MUC13: variants seen among roughly 807,000 people sequenced by gnomAD.
The protein encoded by MUC13 is mucin 13, cell surface associated.
In MUC13, 32 loss-of-function variants were observed where a neutral mutation model predicts 48.3. The ratio of observed to expected loss-of-function variants is 0.66; its 90% CI spans 0.50 to 0.89. MUC13 has a LOEUF of 0.89. MUC13 is among the 40% of genes least tolerant of loss of function. The pLI is 0.00. For missense variants in MUC13, 571 were observed against 622.8 expected, an observed-to-expected ratio of 0.92 and a Z score of 0.88; for synonymous variants, 199 against 224.9, an observed-to-expected ratio of 0.88 and a Z score of 1.03.
At chr3:124,913,345 A>C in intron 7 of MUC13, 105 bp from the exon 8 acceptor site, 1 of 1,506,502 alleles carries the variant, frequency 6.6e-7, no homozygotes, top group Non-Finnish European at 9.0e-7. Flanking sequence ...TTTTCTAGGT[A>C]AAATGAGATG....
At chr3:124,910,549 C>T (rs762214122) in intron 9 of MUC13, 50 bp from the exon 10 acceptor site, 1 of 1,608,722 alleles carries the variant, frequency 6.2e-7, no homozygotes, top group South Asian at 1.1e-5. Flanking sequence ...TGGCCCCCAA[C>T]TGTCTACTGC....
chr3:124,923,169 C>A (rs1362782104), intron 3 of MUC13, among the ~76,000 whole-genome samples: 2 of 150,514 alleles, frequency 1.3e-5, no homozygotes, highest in Non-Finnish European at 3.0e-5. Flanking sequence ...GTGATCTAAT[C>A]AAAACATCAT....
chr3:124,923,112 A>AC (rs1553771871), intron 3 of MUC13, among the ~76,000 whole-genome samples: 7 of 151,562 alleles, frequency 4.6e-5, no homozygotes, highest in Non-Finnish European at 1.0e-4. Context: ...GAAAAAAAAA[A>AC]AAAACAGAAC....
Position 124,908,150 on chromosome 3 carries a change from A to G in MUC13, c.1536T>C (p.Tyr512=), listed in dbSNP as rs376952026. 21 of 1,613,970 alleles carry G rather than the reference A, an allele frequency of 1.3e-5. No homozygotes were observed. Among genetic ancestry groups the G allele is most frequent in the Non-Finnish European group, 1.7e-5 (20 of 1,179,988 alleles). The change falls in exon 11 of 12, where the codon TAT becomes TAC. Residue 512 remains tyrosine, a synonymous_variant. Coordinates refer to ENST00000616727, the MANE Select transcript of MUC13 (RefSeq NM_033049.4). ...GAGAAAAAGCCCACTGACTCACCTA[A>G]TAGTCAGGGCGGGGCATGCTGCTGT... ...SRHSSMPRPD[Y] is the part of the protein sequence containing the mutation.
chr3:124,925,053 T>C (rs1289026989), intron 2 of MUC13, among the ~76,000 whole-genome samples: 1 of 152,218 alleles, frequency 6.6e-6, no homozygotes, highest in East Asian at 1.9e-4. Context: ...GCTTTGTTCA[T>C]GAGTGCCACT....
chr3:124,930,185 T>C (rs1579372594), intron 1 of MUC13, among the ~76,000 whole-genome samples: 1 of 152,360 alleles, frequency 6.6e-6, no homozygotes, highest in East Asian at 1.9e-4. Context: ...TGAGAGGTTT[T>C]TGCAGGTCTT....
At chr3:124,908,901 C>A (rs1935369184) in intron 10 of MUC13, among the ~76,000 whole-genome samples, 1 of 152,206 alleles carries the variant, frequency 6.6e-6, no homozygotes, top group Non-Finnish European at 1.5e-5. Context: ...CCTCTGTAAT[C>A]CCAGCACTCT....
chr3:124,929,068 C>G (rs566280779), intron 1 of MUC13, among the ~76,000 whole-genome samples: 14 of 152,208 alleles, frequency 9.2e-5, no homozygotes, highest in African/African-American at 3.4e-4. Context: ...GCCCTCTGAG[C>G]TATGATGGAT....
intron 1 of MUC13, 69 bp from the exon 2 acceptor site, chr3:124,928,062 T>A: frequency 2.9e-6 from 3 of 1,041,884 alleles, no homozygotes; most frequent in Non-Finnish European, 4.1e-6. Flanking sequence ...TACTTAATAC[T>A]AAATCATATC....
At chr3:124,921,432 T>C (rs1226500332) in intron 4 of MUC13, among the ~76,000 whole-genome samples, 1 of 152,194 alleles carries the variant, frequency 6.6e-6, no homozygotes, top group African/African-American at 2.4e-5. Context: ...ATTACGGACA[T>C]GAGCCACCAT....
At chr3:124,916,650 A>G (rs1031286845) in intron 5 of MUC13, among the ~76,000 whole-genome samples, 170 bp from the exon 6 acceptor site, 5 of 152,200 alleles carry the variant, frequency 3.3e-5, no homozygotes, top group Admixed American at 1.3e-4. Context: ...GGCAATGTAC[A>G]GGCTTGGAGG....
intron 9 of MUC13, among the ~76,000 whole-genome samples, chr3:124,911,657 A>C (rs1287168512): frequency 6.6e-6 from 1 of 152,178 alleles, no homozygotes; most frequent in African/African-American, 2.4e-5. Flanking sequence ...ATTTGCAGCA[A>C]AATATCCCAA....
intron 5 of MUC13, among the ~76,000 whole-genome samples, chr3:124,917,762 G>A (rs1160394587): frequency 6.8e-6 from 1 of 146,480 alleles, no homozygotes; most frequent in East Asian, 2.1e-4. Flanking sequence ...GGCGGGGGCG[G>A]GGGAGGCGGC....
chr3:124,909,068 C>T (rs986729283), intron 10 of MUC13, among the ~76,000 whole-genome samples: 8 of 152,032 alleles, frequency 5.3e-5, no homozygotes, highest in African/African-American at 7.2e-5. Context: ...GCGGGAGAAT[C>T]GCTTGAACCT....
At position 124,910,412 on chromosome 3, in the gene MUC13, T is replaced by C. The variant is rs760218050; in HGVS notation, c.1337+3A>G. The C allele has an allele frequency of 6.2e-7, 1 of 1,613,428 alleles. No homozygotes were observed. Among genetic ancestry groups the C allele is most frequent in the Non-Finnish European group, 8.5e-7 (1 of 1,179,608 alleles). On this transcript the variant is annotated splice_donor_region_variant and intron_variant, in intron 10 of 11. Transcript: ENST00000616727. ...ATTTAAAAAGGACACTTTCATCCCATACCTTGCTGTGACAATCAATGCAAT... is the reference window on the plus strand; with the variant it reads ...ATTTAAAAAGGACACTTTCATCCCACACCTTGCTGTGACAATCAATGCAAT...
chr3:124,912,862 G>A (rs1043559134), intron 8 of MUC13, among the ~76,000 whole-genome samples: 1 of 151,430 alleles, frequency 6.6e-6, no homozygotes, highest in Non-Finnish European at 1.5e-5. Flanking sequence ...CTTGAACCTG[G>A]GGGGTGGAGG....
intron 1 of MUC13, among the ~76,000 whole-genome samples, chr3:124,930,675 C>T (rs10804566): frequency 0.83 from 125,601 of 152,156 alleles, 52,840 homozygotes; most frequent in East Asian, 0.99. Flanking sequence ...ATGCCCTGAC[C>T]TGGTTTCTTT....
chr3:124,930,689 G>C (rs941209330), intron 1 of MUC13, among the ~76,000 whole-genome samples: 2 of 152,068 alleles, frequency 1.3e-5, no homozygotes, highest in Non-Finnish European at 2.9e-5. Flanking sequence ...TTTCTTTCTG[G>C]GGAACACTCC....
intron 7 of MUC13, 93 bp from the exon 8 acceptor site, chr3:124,913,333 C>T (rs1935457512): frequency 2.0e-6 from 3 of 1,529,652 alleles, no homozygotes; most frequent in African/African-American, 1.4e-5. Context: ...TTTCACATTG[C>T]TTTTTCTAGG....
Sources: allele counts gnomAD v4.1 joint callset (sites outside exome capture counted in the v4.1 genomes callset), GRCh38; gene constraint gnomAD v4.1.1; transcripts MANE v1.5; gene names NCBI Gene and HGNC (gene_info 2026-07-23, HGNC 2026-07-21).